The following SLC14A2 variants were observed in gnomAD, a reference collection of about 807,000 sequenced individuals.
SLC14A2 encodes the protein solute carrier family 14 member 2.
Under a neutral mutation model 104.6 loss-of-function variants are expected in SLC14A2, and 91 were observed. The observed-to-expected ratio is 0.87, with a 90% CI of 0.73 to 1.04. The LOEUF is 1.04. Among genes scored for constraint, SLC14A2 ranks in the 50% least tolerant of loss-of-function variants. The pLI is 0.00. For missense variants in SLC14A2, 1,189 were observed against 1,156.0 expected, an observed-to-expected ratio of 1.03 and a Z score of -0.41; for synonymous variants, 476 against 466.4, an observed-to-expected ratio of 1.02 and a Z score of -0.27.
At chr18:45,358,634 G>A (rs2085579050) in intron 1 of SLC14A2, among the ~76,000 whole-genome samples, 1 of 152,298 alleles carries the variant, frequency 6.6e-6, no homozygotes, top group African/African-American at 2.4e-5. Context: ...CTGAAGAGCA[G>A]TGACATAATT....
At chr18:45,615,817 A>ATGTGTGTG (rs34832879) in intron 1 of SLC14A2, among the ~76,000 whole-genome samples, 1 of 147,386 alleles carries the variant, frequency 6.8e-6, no homozygotes, top group Non-Finnish European at 1.5e-5. Context: ...GTAGGGGTGT[A>ATGTGTGTG]TGTGTGTGTG....
Position 45,627,100 on chromosome 18 carries a change from G to C in SLC14A2, c.474G>C (p.Leu158=). 1 of 1,614,068 alleles carries C rather than the reference G, an allele frequency of 6.2e-7. No individual in the cohort carries two copies. The change falls in exon 4 of 20, where the codon CTG becomes CTC. Residue 158 remains leucine, a synonymous_variant. Coordinates refer to ENST00000255226, the MANE Select transcript of SLC14A2 (RefSeq NM_007163.4). Reference sequence around the variant, plus strand: ...CCTGGTGGACAATCACTGGGGGCCTGGGGACAGTGGTCTCGACCTTAACAG... The same window carrying C: ...CCTGGTGGACAATCACTGGGGGCCTCGGGACAGTGGTCTCGACCTTAACAG... ...QNPWWTITGG[L]GTVVSTLTAL...
intron 1 of SLC14A2, among the ~76,000 whole-genome samples, chr18:45,385,541 G>A (rs2085886318): frequency 6.6e-6 from 1 of 152,168 alleles, no homozygotes; most frequent in Non-Finnish European, 1.5e-5. Flanking sequence ...GGGAGAGTAG[G>A]AGATTAGTAA....
the SLC14A2 span, among the ~76,000 whole-genome samples, chr18:45,180,807 G>C: frequency 6.6e-6 from 1 of 152,088 alleles, no homozygotes; most frequent in Non-Finnish European, 1.5e-5. Context: ...ATCCTTTCAA[G>C]TCTCTGGGAC....
intron 2 of SLC14A2, among the ~76,000 whole-genome samples, chr18:45,604,029 T>C (rs1311599657): frequency 6.6e-6 from 1 of 152,230 alleles, no homozygotes; most frequent in Non-Finnish European, 1.5e-5. Context: ...ATTGGTCAGA[T>C]TTTCTCCTGG....
chr18:45,546,710 G>A (rs900568595), intron 2 of SLC14A2, among the ~76,000 whole-genome samples: 1 of 152,176 alleles, frequency 6.6e-6, no homozygotes. Flanking sequence ...TTAAACTTCT[G>A]TGCCTCAATT....
At chr18:45,563,336 G>A (rs2044227313) in intron 2 of SLC14A2, among the ~76,000 whole-genome samples, 1 of 152,342 alleles carries the variant, frequency 6.6e-6, no homozygotes, top group African/African-American at 2.4e-5. Flanking sequence ...TAGGAACTGG[G>A]GGGAACATAA....
intron 1 of SLC14A2, among the ~76,000 whole-genome samples, chr18:45,240,642 T>G (rs1196492894): frequency 1.4e-5 from 2 of 144,618 alleles, no homozygotes; most frequent in African/African-American, 5.3e-5. Context: ...TTTTTTTTTG[T>G]TTTTTTTGTT....
chr18:45,216,136 G>A (rs1191016880), intron 1 of SLC14A2, among the ~76,000 whole-genome samples: 1 of 152,144 alleles, frequency 6.6e-6, no homozygotes, highest in African/African-American at 2.4e-5. Flanking sequence ...TCTACCAATA[G>A]TAGTGGGGTA....
chr18:45,435,437 A>C (rs902529494), intron 1 of SLC14A2: 2 of 152,206 alleles, frequency 1.3e-5, no homozygotes. Flanking sequence ...TCTGTGCATG[A>C]AAAATGAGTA....
intron 1 of SLC14A2, among the ~76,000 whole-genome samples, chr18:45,222,259 C>CA (rs989532485): frequency 2.6e-5 from 4 of 151,924 alleles, no homozygotes. Context: ...ATCTTTCTGC[C>CA]AAAAAAAGTA....
At chr18:45,661,946 T>C (rs562203716) in intron 10 of SLC14A2, among the ~76,000 whole-genome samples, 1 of 152,186 alleles carries the variant, frequency 6.6e-6, no homozygotes, top group Non-Finnish European at 1.5e-5. Context: ...GCTGAAACAG[T>C]AGCTGCTTCT....
At chr18:45,626,872 G>A (rs1294268330) in intron 3 of SLC14A2, 86 bp from the exon 4 acceptor site, 2 of 1,164,010 alleles carry the variant, frequency 1.7e-6, no homozygotes, top group African/African-American at 1.5e-5. Flanking sequence ...GCACATTCCT[G>A]TTTGCCTTGG....
chr18:45,281,426 A>G (rs2084761464), intron 1 of SLC14A2, among the ~76,000 whole-genome samples: 1 of 152,250 alleles, frequency 6.6e-6, no homozygotes, highest in Non-Finnish European at 1.5e-5. Context: ...TCTGCATGTT[A>G]CATGAACAAC....
chr18:45,634,946 C>A, intron 5 of SLC14A2: 1 of 450,180 alleles, frequency 2.2e-6, no homozygotes, highest in Non-Finnish European at 4.5e-6. Context: ...TATCCATGAA[C>A]ATGGTAAGAA....
chr18:45,516,572 A>G (rs1364448840), intron 2 of SLC14A2, among the ~76,000 whole-genome samples: 1 of 152,230 alleles, frequency 6.6e-6, no homozygotes. Flanking sequence ...TACCTTTTAT[A>G]TGCAGGGGAG....
intron 1 of SLC14A2, among the ~76,000 whole-genome samples, chr18:45,306,156 T>C (rs923765622): frequency 6.6e-6 from 1 of 152,080 alleles, no homozygotes. Context: ...AGGAACACAA[T>C]TAAAGCTCTC....
the SLC14A2 span, among the ~76,000 whole-genome samples, chr18:45,173,723 TTTA>T: frequency 6.6e-6 from 1 of 152,110 alleles, no homozygotes; most frequent in South Asian, 2.1e-4. Flanking sequence ...ATAACTACTA[TTTA>T]AAAGTAAATT....
intron 1 of SLC14A2, among the ~76,000 whole-genome samples, chr18:45,399,011 G>C (rs2086066451): frequency 6.6e-6 from 1 of 152,086 alleles, no homozygotes; most frequent in East Asian, 1.9e-4. Context: ...AAAATACTTA[G>C]CCCAAAAAGA....
Sources: allele counts gnomAD v4.1 joint callset (sites outside exome capture counted in the v4.1 genomes callset), GRCh38; gene constraint gnomAD v4.1.1; transcripts MANE v1.5; gene names NCBI Gene and HGNC (gene_info 2026-07-23, HGNC 2026-07-21).